Variants in SHANK2 observed in about 807,000 individuals in gnomAD.
SHANK2 encodes SH3 and multiple ankyrin repeat domains protein 2.
Under a neutral mutation model 133.7 loss-of-function variants are expected in SHANK2, and 43 were observed. That is an observed-to-expected ratio of 0.32 (90% CI 0.25 to 0.41). The LOEUF is 0.41. Among genes scored for constraint, SHANK2 ranks in the 10% least tolerant of loss-of-function variants. The probability of loss-of-function intolerance (pLI) is 1.00; values close to 1 mark genes in which losing one functional copy is unlikely to be tolerated. For missense variants in SHANK2, 1,994 were observed against 2,235.8 expected, an observed-to-expected ratio of 0.89 and a Z score of 2.18; for synonymous variants, 1,017 against 952.8, an observed-to-expected ratio of 1.07 and a Z score of -1.24.
intron 11 of SHANK2, among the ~76,000 whole-genome samples, chr11:70,829,037 G>A (rs547561667): frequency 1.7e-4 from 26 of 152,300 alleles, no homozygotes; most frequent in Non-Finnish European, 2.8e-4. Context: ...TGAGGCCAGC[G>A]GTGTCCTGTC....
intron 10 of SHANK2, among the ~76,000 whole-genome samples, chr11:70,904,753 C>T (rs1950075330): frequency 6.6e-6 from 1 of 152,082 alleles, no homozygotes; most frequent in Non-Finnish European, 1.5e-5. Flanking sequence ...AGTAATCTGC[C>T]CACGTCAGCC....
intron 1 of SHANK2, among the ~76,000 whole-genome samples, chr11:71,236,756 T>C (rs1954830055): frequency 6.6e-6 from 1 of 152,204 alleles, no homozygotes; most frequent in Admixed American, 6.5e-5. Context: ...AGACAAACTG[T>C]ACAGCACATA....
chr11:71,231,821 A>T (rs144696379), intron 1 of SHANK2, among the ~76,000 whole-genome samples: 80 of 152,246 alleles, frequency 5.3e-4, no homozygotes, highest in African/African-American at 1.7e-3. Flanking sequence ...CCGGGGAGAC[A>T]GAGCTTGCAG....
intron 10 of SHANK2, chr11:70,942,446 A>G: frequency 2.4e-6 from 1 of 425,282 alleles, no homozygotes; most frequent in East Asian, 7.0e-5. Context: ...AATCTCACTC[A>G]CTACTAGAGA....
intron 17 of SHANK2, among the ~76,000 whole-genome samples, chr11:70,524,198 AC>A (rs748446145): frequency 3.7e-4 from 57 of 152,264 alleles, no homozygotes; most frequent in Non-Finnish European, 6.5e-4. Context: ...TCCCCTCTCT[AC>A]CAGGAGAGTA....
At chr11:71,104,782 C>A (rs1951777556) in intron 6 of SHANK2, among the ~76,000 whole-genome samples, 1 of 152,202 alleles carries the variant, frequency 6.6e-6, no homozygotes, top group Non-Finnish European at 1.5e-5. Flanking sequence ...TTGGAAAAAA[C>A]AAATGAGAAT....
chr11:70,637,349 C>T (rs1182057436), intron 17 of SHANK2, among the ~76,000 whole-genome samples: 1 of 152,108 alleles, frequency 6.6e-6, no homozygotes, highest in Non-Finnish European at 1.5e-5. Flanking sequence ...AGTGTGTGGC[C>T]CGCACACAAC....
At chr11:71,173,550 A>C (rs1461733789) in intron 2 of SHANK2, among the ~76,000 whole-genome samples, 1 of 152,232 alleles carries the variant, frequency 6.6e-6, no homozygotes, top group Non-Finnish European at 1.5e-5. Flanking sequence ...TTTCACATCC[A>C]CAAGCTAGGA....
intron 15 of SHANK2, chr11:70,668,139 C>T (rs782070036): frequency 2.0e-5 from 3 of 152,012 alleles, no homozygotes; most frequent in Non-Finnish European, 4.4e-5. Context: ...AATGGTGACT[C>T]AACCCACCCA....
chr11:70,701,554 C>T (rs1182131485), intron 14 of SHANK2, among the ~76,000 whole-genome samples: 2 of 151,866 alleles, frequency 1.3e-5, no homozygotes, highest in African/African-American at 4.8e-5. Context: ...GTGCGTGCCA[C>T]CACGCCCAGC....
chr11:70,899,510 C>T (rs782443901), intron 10 of SHANK2, among the ~76,000 whole-genome samples: 2 of 152,164 alleles, frequency 1.3e-5, no homozygotes, highest in Admixed American at 6.5e-5. Context: ...TCCTGAGTGG[C>T]GGCTTCCCTT....
intron 10 of SHANK2, among the ~76,000 whole-genome samples, chr11:70,929,377 T>C (rs1457974836): frequency 1.3e-5 from 2 of 152,212 alleles, no homozygotes; most frequent in African/African-American, 2.4e-5. Flanking sequence ...CTGTTGCTGC[T>C]GTAACAAATG....
chr11:71,232,255 A>G (rs1216888253), intron 1 of SHANK2, among the ~76,000 whole-genome samples: 1 of 152,114 alleles, frequency 6.6e-6, no homozygotes, highest in East Asian at 1.9e-4. Flanking sequence ...GTCAGGCCAT[A>G]AAAGGGCACC....
chr11:70,545,348 C>T (rs999386252), intron 17 of SHANK2, among the ~76,000 whole-genome samples: 4 of 152,240 alleles, frequency 2.6e-5, no homozygotes, highest in Non-Finnish European at 5.9e-5. Flanking sequence ...CGGCCCCTGA[C>T]TCACTGCAGC....
chr11:70,733,067 G>T (rs1223935721), intron 14 of SHANK2, among the ~76,000 whole-genome samples: 2 of 152,228 alleles, frequency 1.3e-5, no homozygotes, highest in African/African-American at 4.8e-5. Flanking sequence ...AGAGACAGAC[G>T]CGGAGCAGAT....
At chr11:70,892,963 T>C (rs943128270) in intron 11 of SHANK2, among the ~76,000 whole-genome samples, 24 of 152,120 alleles carry the variant, frequency 1.6e-4, no homozygotes, top group Non-Finnish European at 2.9e-4. Context: ...CTGACTTCCT[T>C]CCCTAAGTCC....
chr11:70,633,001 TGAG>T (rs782717411), intron 17 of SHANK2, among the ~76,000 whole-genome samples: 6 of 151,866 alleles, frequency 4.0e-5, no homozygotes, highest in African/African-American at 7.3e-5. Flanking sequence ...AGGTGCTCAT[TGAG>T]GAGAGAGGTC....
Position 70,469,754 on chromosome 11 carries a change from T to A in SHANK2, c.*3115A>T, listed in dbSNP as rs2058575402. On this transcript the variant is annotated 3_prime_UTR_variant, in exon 26 of 26. Coordinates refer to ENST00000601538, the MANE Select transcript of SHANK2 (RefSeq NM_012309.5). Reference sequence around the variant, plus strand: ...CAATAACTGAGAAAAAAATTTACCATTTTATTAACTAAAGTATCACAAATA... The same window carrying A: ...CAATAACTGAGAAAAAAATTTACCAATTTATTAACTAAAGTATCACAAATA... 6.6e-6 allele frequency: 1 copy of A among 152,656 alleles called. No individual in the cohort carries two copies. Among genetic ancestry groups the A allele is most frequent in the African/African-American group, 2.4e-5 (1 of 41,460 alleles). 9.5% of individuals were successfully genotyped at this position (152,656 alleles called of 1,614,324 possible).
At chr11:70,822,376 G>A (rs1223537178) in intron 11 of SHANK2, among the ~76,000 whole-genome samples, 1 of 152,248 alleles carries the variant, frequency 6.6e-6, no homozygotes, top group Non-Finnish European at 1.5e-5. Flanking sequence ...AGTAGTTTAG[G>A]ACACAGGTGG....
Sources: gnomAD v4.1 joint callset for allele counts (sites outside exome capture counted in the v4.1 genomes callset) on GRCh38, gnomAD v4.1.1 for gene constraint, MANE v1.5 for transcripts, NCBI Gene and HGNC (gene_info 2026-07-23, HGNC 2026-07-21) for gene names.